LAMA2: variants seen among roughly 807,000 people sequenced by gnomAD.
LAMA2 encodes the protein laminin subunit alpha 2.
In LAMA2, 269 loss-of-function variants were observed where a neutral mutation model predicts 364.8. The observed-to-expected ratio is 0.74, with a 90% CI of 0.67 to 0.82. The LOEUF is 0.82. Ranked by LOEUF, LAMA2 falls within the 40% of genes least tolerant of loss-of-function variation. The probability of loss-of-function intolerance (pLI) is 0.00; values close to 1 mark genes in which losing one functional copy is unlikely to be tolerated. For synonymous variants in LAMA2, 1,379 were observed against 1,370.6 expected, an observed-to-expected ratio of 1.01 and a Z score of -0.14; for missense variants, 3,807 against 3,873.2, an observed-to-expected ratio of 0.98 and a Z score of 0.45.
chr6:129,306,285 T>A (rs1194008911), intron 22 of LAMA2, among the ~76,000 whole-genome samples: 1 of 151,038 alleles, frequency 6.6e-6, no homozygotes, highest in Non-Finnish European at 1.5e-5. Flanking sequence ...ATTCCTGTTG[T>A]TTCAGGTCTG....
intron 32 of LAMA2, among the ~76,000 whole-genome samples, chr6:129,355,963 A>G (rs1583564396): frequency 6.6e-6 from 1 of 152,260 alleles, no homozygotes; most frequent in East Asian, 1.9e-4. Flanking sequence ...CTCACTGTAA[A>G]TTTAGTTTAG....
chr6:128,908,813 C>A lies in LAMA2; in HGVS notation c.112+25456C>A, dbSNP rs555088987. ...CCTCTACACACTGCTTTGAATGTGT[C>A]CCAGAGATTCTGGTATGTTGTGTCT... is the stretch of plus-strand genomic sequence containing the variant. On this transcript the variant is annotated intron_variant, in intron 1 of 64. Transcript: ENST00000421865. 2.7e-3 allele frequency among the ~76,000 whole-genome samples: 408 copies of A among 149,900 alleles called. 1 individual carries two copies. Among genetic ancestry groups the A allele is most frequent in the Non-Finnish European group, 4.1e-3 (281 of 67,810 alleles).
intron 1 of LAMA2, among the ~76,000 whole-genome samples, chr6:128,925,202 G>A (rs1161695928): frequency 6.6e-6 from 1 of 152,174 alleles, no homozygotes; most frequent in Non-Finnish European, 1.5e-5. Context: ...GTCCTGAAAA[G>A]ATATTTATAC....
At chr6:129,147,234 T>C (rs754817555) in intron 6 of LAMA2, among the ~76,000 whole-genome samples, 186 bp downstream of exon 6, 31 of 149,552 alleles carry the variant, frequency 2.1e-4, no homozygotes, top group Non-Finnish European at 4.1e-4. Flanking sequence ...AAATCAGCCA[T>C]CACAGTATAA....
At chr6:129,327,022 T>C (rs1775345137) in intron 28 of LAMA2, among the ~76,000 whole-genome samples, 2 of 151,942 alleles carry the variant, frequency 1.3e-5, no homozygotes, top group East Asian at 1.9e-4. Flanking sequence ...GTATAAACTT[T>C]ATTAAATTAT....
At chr6:129,156,244 A>C (rs1286498689) in intron 8 of LAMA2, among the ~76,000 whole-genome samples, 1 of 151,716 alleles carries the variant, frequency 6.6e-6, no homozygotes, top group African/African-American at 2.4e-5. Flanking sequence ...CAAAAAGGAA[A>C]TTAAACTTTA....
At chr6:128,942,000 C>T (rs1429294737) in intron 1 of LAMA2, among the ~76,000 whole-genome samples, 1 of 152,092 alleles carries the variant, frequency 6.6e-6, no homozygotes, top group Non-Finnish European at 1.5e-5. Flanking sequence ...AAATGCTCCA[C>T]CACAGAAGAG....
At chr6:129,177,563 G>A (rs1780670264) in intron 9 of LAMA2, 143 bp from the exon 10 acceptor site, 1 of 783,380 alleles carries the variant, frequency 1.3e-6, no homozygotes, top group Non-Finnish European at 2.1e-6. Context: ...CTACTCTTTG[G>A]TTTTAACTTT....
intron 8 of LAMA2, among the ~76,000 whole-genome samples, chr6:129,161,866 T>A (rs1469515968): frequency 6.6e-6 from 1 of 152,246 alleles, no homozygotes; most frequent in East Asian, 1.9e-4. Flanking sequence ...TATTCCATGG[T>A]GTATATGTAC....
At chr6:128,915,934 C>T (rs1778284530) in intron 1 of LAMA2, among the ~76,000 whole-genome samples, 1 of 152,026 alleles carries the variant, frequency 6.6e-6, no homozygotes, top group South Asian at 2.1e-4. Context: ...TTCTTTATTT[C>T]TAAAATAAGA....
chr6:128,936,170 A>G (rs1779799207), intron 1 of LAMA2, among the ~76,000 whole-genome samples: 1 of 152,240 alleles, frequency 6.6e-6, no homozygotes, highest in Non-Finnish European at 1.5e-5. Flanking sequence ...TGATTCAATT[A>G]AAACTTTTTC....
intron 1 of LAMA2, among the ~76,000 whole-genome samples, chr6:128,966,080 T>C (rs2114606854): frequency 6.7e-6 from 1 of 148,792 alleles, no homozygotes; most frequent in East Asian, 2.0e-4. Context: ...GATAAACTTA[T>C]CAGGAACAGA....
intron 8 of LAMA2, chr6:129,157,986 G>C: frequency 6.2e-7 from 1 of 1,613,822 alleles, no homozygotes; most frequent in Non-Finnish European, 8.5e-7. Context: ...GCCCAGGTCA[G>C]CAATGCAGCA....
Position 129,414,404 on chromosome 6 carries a change from G to T in LAMA2, c.5865+10445G>T, listed in dbSNP as rs1450720317. Among the ~76,000 whole-genome samples the T allele has an allele frequency of 2.0e-5, 3 of 152,146 alleles. No individual in the cohort carries two copies. In the East Asian group the frequency reaches 5.8e-4, roughly 29 times the overall value. On this transcript the variant is annotated intron_variant, in intron 40 of 64. Transcript: ENST00000421865. ...ACTATAGGCCAGTTATTTAAATAGA[G>T]AAGCTACAAATGAAATATTATAAAA... is the stretch of plus-strand genomic sequence containing the variant.
chr6:129,447,068 G>A (rs924892960), intron 45 of LAMA2, among the ~76,000 whole-genome samples: 1 of 152,158 alleles, frequency 6.6e-6, no homozygotes, highest in African/African-American at 2.4e-5. Context: ...TTACTTCAAG[G>A]TTTGAAGTTT....
At chr6:129,388,517 A>T (rs1779149394) in intron 35 of LAMA2, among the ~76,000 whole-genome samples, 1 of 152,198 alleles carries the variant, frequency 6.6e-6, no homozygotes, top group Admixed American at 6.5e-5. Context: ...TTCTTTTTCC[A>T]CCAGATTCTT....
chr6:129,265,377 T>C (rs979743730), intron 15 of LAMA2, among the ~76,000 whole-genome samples: 18 of 152,140 alleles, frequency 1.2e-4, no homozygotes, highest in African/African-American at 4.1e-4. Flanking sequence ...TTGCAGAGTA[T>C]TAAAACAAAA....
intron 19 of LAMA2, among the ~76,000 whole-genome samples, chr6:129,288,530 A>G (rs1417654724): frequency 6.6e-6 from 1 of 152,144 alleles, no homozygotes; most frequent in Non-Finnish European, 1.5e-5. Flanking sequence ...ATAGGTATAA[A>G]ATTCTGCCAA....
At position 128,948,840 on chromosome 6, in the gene LAMA2, TG is replaced by T. The variant is rs372905420; in HGVS notation, c.112+65485del. ...CTCCAGCTTTATCTTCTGCCATGAC[TG>T]GAAGCTTCCTGAGGCCCTCACCAGA... On this transcript the variant is annotated intron_variant, in intron 1 of 64. Coordinates refer to ENST00000421865, the MANE Select transcript of LAMA2 (RefSeq NM_000426.4). 3.4e-4 allele frequency among the ~76,000 whole-genome samples: 52 copies of T among 152,296 alleles called. No homozygotes were observed. In the South Asian group the frequency reaches 0.01, roughly 30 times the overall value.
Sources: gnomAD v4.1 joint callset for allele counts (sites outside exome capture counted in the v4.1 genomes callset) on GRCh38, gnomAD v4.1.1 for gene constraint, MANE v1.5 for transcripts, NCBI Gene and HGNC (gene_info 2026-07-23, HGNC 2026-07-21) for gene names.